LOC400499: variants seen among roughly 807,000 people sequenced by gnomAD.
the LOC400499 span, chr16:11,467,112 C>A: frequency 1.1e-3 from 167 of 157,060 alleles, 1 homozygote; most frequent in African/African-American, 3.8e-3. Flanking sequence ...ACCACTACAC[C>A]CAGCTAATTT....
the LOC400499 span, among the ~76,000 whole-genome samples, chr16:11,439,759 G>T: frequency 6.6e-6 from 1 of 151,996 alleles, no homozygotes; most frequent in East Asian, 1.9e-4. Flanking sequence ...TACTGAAAAA[G>T]GTTGCTTAGG....
the LOC400499 span, among the ~76,000 whole-genome samples, chr16:11,503,894 G>T: frequency 6.6e-6 from 1 of 152,198 alleles, no homozygotes; most frequent in African/African-American, 2.4e-5. Flanking sequence ...AGTTTGGGGC[G>T]TCTATCCAAA....
At chr16:11,488,714 C>T in the LOC400499 span, 198,356 of 398,642 alleles carry the variant, frequency 0.5, 52,785 homozygotes, top group African/African-American at 0.8. Context: ...CATACCTGAT[C>T]GGAAGGTGAC....
the LOC400499 span, chr16:11,523,389 T>A: frequency 2.5e-6 from 1 of 398,634 alleles, no homozygotes; most frequent in Non-Finnish European, 4.4e-6. Context: ...TCACCAGAGG[T>A]GTGATCAGGC....
At chr16:11,449,038 C>T in the LOC400499 span, 1,130,021 of 1,495,478 alleles carry the variant, frequency 0.76, 441,488 homozygotes, top group Non-Finnish European at 0.82. Flanking sequence ...TGCACTGCTG[C>T]GTTCCAGGCT....
At chr16:11,518,105 G>A in the LOC400499 span, among the ~76,000 whole-genome samples, 3 of 152,126 alleles carry the variant, frequency 2.0e-5, no homozygotes, top group African/African-American at 7.2e-5. Context: ...GACAACCCCT[G>A]GCCCCGCTGA....
the LOC400499 span, among the ~76,000 whole-genome samples, chr16:11,463,982 G>A: frequency 2.0e-5 from 3 of 152,130 alleles, no homozygotes; most frequent in Non-Finnish European, 4.4e-5. Context: ...TATATATGTG[G>A]ATGTGTGTAT....
chr16:11,411,778 G>A, the LOC400499 span, among the ~76,000 whole-genome samples: 4 of 152,038 alleles, frequency 2.6e-5, no homozygotes, highest in African/African-American at 4.8e-5. Flanking sequence ...TCCCTCCCAG[G>A]GATCCTCCTC....
the LOC400499 span, chr16:11,411,097 G>A: frequency 1.0e-5 from 4 of 396,514 alleles, no homozygotes; most frequent in Non-Finnish European, 1.8e-5. Flanking sequence ...GCTGGAGCCA[G>A]GGGTTTCCGA....
the LOC400499 span, among the ~76,000 whole-genome samples, chr16:11,446,023 C>T: frequency 6.6e-6 from 1 of 151,878 alleles, no homozygotes; most frequent in South Asian, 2.1e-4. Flanking sequence ...CAGGGTTTCA[C>T]CATGTTGGCC....
chr16:11,493,392 C>T, the LOC400499 span, among the ~76,000 whole-genome samples: 2 of 152,190 alleles, frequency 1.3e-5, no homozygotes, highest in South Asian at 2.1e-4. Flanking sequence ...GGCCCGTAGT[C>T]TGCCAAACCC....
the LOC400499 span, chr16:11,413,050 C>T: frequency 3.0e-5 from 12 of 397,184 alleles, no homozygotes; most frequent in South Asian, 1.4e-4. Flanking sequence ...TAGCCCAGCA[C>T]GTCCCTGTCC....
At chr16:11,396,276 G>C in the LOC400499 span, 40 of 373,022 alleles carry the variant, frequency 1.1e-4, no homozygotes, top group Non-Finnish European at 1.7e-4. Flanking sequence ...CCGGGTGTTG[G>C]GACTGTGGAG....
chr16:11,452,157 A>G, the LOC400499 span, among the ~76,000 whole-genome samples: 5 of 151,122 alleles, frequency 3.3e-5, no homozygotes, highest in African/African-American at 1.2e-4. Flanking sequence ...TGATCTGGCA[A>G]ACTCAGGCCC....
At chr16:11,469,245 T>C in the LOC400499 span, 1 of 399,296 alleles carries the variant, frequency 2.5e-6, no homozygotes, top group Non-Finnish European at 4.4e-6. Flanking sequence ...CCCAAGAGCC[T>C]CCATCTTTCC....
chr16:11,457,552 C>A, the LOC400499 span, among the ~76,000 whole-genome samples: 1 of 147,198 alleles, frequency 6.8e-6, no homozygotes. Context: ...GAGATCGCAC[C>A]ACTGCACTCC....
chr16:11,416,268 G>A, the LOC400499 span, among the ~76,000 whole-genome samples: 55 of 152,114 alleles, frequency 3.6e-4, no homozygotes, highest in African/African-American at 1.3e-3. Flanking sequence ...AAAAAAATTT[G>A]AGGCCAACAG....
chr16:11,452,488 A>T, the LOC400499 span, among the ~76,000 whole-genome samples: 1 of 152,132 alleles, frequency 6.6e-6, no homozygotes, highest in East Asian at 1.9e-4. Flanking sequence ...CCCTCTGGGT[A>T]CCCGAGGATC....
chr16:11,517,912 C>A, the LOC400499 span, among the ~76,000 whole-genome samples: 1 of 152,182 alleles, frequency 6.6e-6, no homozygotes, highest in African/African-American at 2.4e-5. Flanking sequence ...CAAGACAAAA[C>A]CCTGGGGAAC....
Sources: allele counts gnomAD v4.1 joint callset (sites outside exome capture counted in the v4.1 genomes callset), GRCh38; gene constraint gnomAD v4.1.1; transcripts MANE v1.5.